FER: variants seen among roughly 807,000 people sequenced by gnomAD.
The protein encoded by FER is FER tyrosine kinase.
A neutral mutation model predicts 111.0 loss-of-function variants in FER; 63 were observed. The observed-to-expected ratio is 0.57, with a 90% CI of 0.46 to 0.70. FER has a LOEUF of 0.70. FER is among the 30% of genes least tolerant of loss of function. FER has a pLI of 0.00. For missense variants in FER, 914 were observed against 954.0 expected (o/e 0.96, Z 0.55); for synonymous variants, 327 against 313.9 (o/e 1.04, Z -0.44).
chr5:109,071,884 A>G (rs1174902752), intron 16 of FER, among the ~76,000 whole-genome samples: 1 of 151,940 alleles, frequency 6.6e-6, no homozygotes, highest in Non-Finnish European at 1.5e-5. Context: ...TTACATGGCA[A>G]TGTTTATATA....
At chr5:109,054,902 T>C (rs77069917) in intron 16 of FER, among the ~76,000 whole-genome samples, 2,375 of 152,334 alleles carry the variant, frequency 0.016, 51 homozygotes, top group African/African-American at 0.053. Flanking sequence ...TTCATACTTA[T>C]ATGTGTCTCT....
Position 109,171,122 on chromosome 5 carries a change from C to A in FER, c.2049-9625C>A, listed in dbSNP as rs181064471. Among the ~76,000 whole-genome samples the A allele has an allele frequency of 1.8e-4, 28 of 152,280 alleles. No homozygotes were observed. In the East Asian group the frequency reaches 5.4e-3, roughly 29 times the overall value. ...GTGTAAATTCACTTCAAAACATTGTCAAATTCTTAGTAGCTTTTCATCATG... is the reference window on the plus strand; with the variant it reads ...GTGTAAATTCACTTCAAAACATTGTAAAATTCTTAGTAGCTTTTCATCATG... On this transcript the variant is annotated intron_variant, in intron 17 of 19. Coordinates refer to ENST00000281092, the MANE Select transcript of FER (RefSeq NM_005246.4).
At chr5:108,807,381 T>C (rs1480968410) in intron 3 of FER, among the ~76,000 whole-genome samples, 1 of 152,240 alleles carries the variant, frequency 6.6e-6, no homozygotes, top group African/African-American at 2.4e-5. Context: ...AATTTGTCCA[T>C]TCCTGTAGAT....
chr5:108,935,638 T>C (rs1314159626), intron 10 of FER, among the ~76,000 whole-genome samples: 1 of 152,120 alleles, frequency 6.6e-6, no homozygotes, highest in Non-Finnish European at 1.5e-5. Flanking sequence ...AAAACTTTGG[T>C]TGTGGGTGAA....
chr5:108,901,753 A>T (rs1006281788), intron 10 of FER, among the ~76,000 whole-genome samples: 2 of 152,132 alleles, frequency 1.3e-5, no homozygotes, highest in African/African-American at 4.8e-5. Context: ...GGAGTTTGAG[A>T]CCAGCCTGGG....
chr5:109,139,062 A>G (rs182181979), intron 17 of FER, among the ~76,000 whole-genome samples: 78 of 152,292 alleles, frequency 5.1e-4, no homozygotes, highest in African/African-American at 1.7e-3. Context: ...AATTTGAGGT[A>G]CCTGTAGGAC....
At chr5:108,920,793 A>T (rs1272957544) in intron 10 of FER, among the ~76,000 whole-genome samples, 3 of 152,066 alleles carry the variant, frequency 2.0e-5, no homozygotes, top group Non-Finnish European at 4.4e-5. Context: ...TATAAATGAG[A>T]TTTTATATTT....
chr5:109,097,239 C>A (rs1336033959), intron 16 of FER, among the ~76,000 whole-genome samples: 1 of 151,876 alleles, frequency 6.6e-6, no homozygotes, highest in Non-Finnish European at 1.5e-5. Context: ...GTCATGCTAT[C>A]TCCCTAGTAA....
At chr5:109,148,615 A>C (rs1754488734) in intron 17 of FER, among the ~76,000 whole-genome samples, 1 of 152,220 alleles carries the variant, frequency 6.6e-6, no homozygotes, top group Non-Finnish European at 1.5e-5. Flanking sequence ...AGAGTATAAG[A>C]AAGTATGTGC....
chr5:109,130,489 A>T (rs1752240495), intron 17 of FER, among the ~76,000 whole-genome samples: 1 of 128,054 alleles, frequency 7.8e-6, no homozygotes, highest in African/African-American at 3.6e-5. Context: ...TAGTAGCCAC[A>T]TTAAAAATAT....
chr5:109,074,976 G>T (rs1776152807), intron 16 of FER, among the ~76,000 whole-genome samples: 2 of 152,186 alleles, frequency 1.3e-5, no homozygotes, highest in Admixed American at 6.5e-5. Flanking sequence ...CTGTGTATCA[G>T]TATGGAATAT....
At chr5:108,835,949 T>A in intron 5 of FER, 142 bp downstream of exon 5, 1 of 472,006 alleles carries the variant, frequency 2.1e-6, no homozygotes, top group Non-Finnish European at 3.8e-6. Flanking sequence ...TGGCTAATTG[T>A]CAAACAGTGT....
intron 17 of FER, among the ~76,000 whole-genome samples, chr5:109,165,593 G>GGTGTGTGTGTGT (rs66749153): frequency 1.2e-3 from 164 of 142,344 alleles, no homozygotes; most frequent in Admixed American, 2.6e-3. Flanking sequence ...GGAGGGAACT[G>GGTGTGTGTGTGT]GTGTGTGTGT....
chr5:108,832,203 CACAGGCAACAAAAGA>C (rs6149169), intron 3 of FER, among the ~76,000 whole-genome samples: 34,325 of 151,716 alleles, frequency 0.23, 4,003 homozygotes, highest in African/African-American at 0.28. Context: ...CCAGTATTCT[CACAGGCAACAAAAGA>C]ACAGGTACCA....
intron 13 of FER, among the ~76,000 whole-genome samples, chr5:109,025,545 A>G (rs1158552094): frequency 2.0e-5 from 3 of 151,814 alleles, no homozygotes; most frequent in Non-Finnish European, 4.4e-5. Flanking sequence ...TTTTCTAGAT[A>G]TACAATCATG....
In FER at chr5:108,984,353, T is replaced by C. The variant is rs1169544550; in HGVS notation, c.1656+25006T>C. Among the ~76,000 whole-genome samples, 5 of 152,002 alleles carry C rather than the reference T, an allele frequency of 3.3e-5. No homozygotes were observed. In the East Asian group the frequency reaches 9.7e-4, roughly 29 times the overall value. On this transcript the variant is annotated intron_variant, in intron 13 of 19. Transcript: ENST00000281092. ...CAAGTTAATAATAGCTCAGAAGATA[T>C]AAATATAAAAATTGTATAAAATGTC... is the stretch of plus-strand genomic sequence containing the variant.
At chr5:109,000,553 A>G (rs1448885686) in intron 13 of FER, among the ~76,000 whole-genome samples, 1 of 152,160 alleles carries the variant, frequency 6.6e-6, no homozygotes, top group African/African-American at 2.4e-5. Context: ...AGAAAGCAGG[A>G]AAGATCTAAA....
rs186600690 is a variant in FER, at chr5:108,874,706, G to C, written c.923+2494G>C. Reference sequence around the variant, plus strand: ...ATTGTTAATTTAGTCGTAGATTCGTGTTGTAATATTATTCTAATAGAAGTG... The same window carrying C: ...ATTGTTAATTTAGTCGTAGATTCGTCTTGTAATATTATTCTAATAGAAGTG... On this transcript the variant is annotated intron_variant, in intron 8 of 19. Transcript: ENST00000281092. Among the ~76,000 whole-genome samples, 931 of 151,378 alleles carry C rather than the reference G, an allele frequency of 6.2e-3. 16 individuals are homozygous for C. The highest frequency in any genetic ancestry group is 0.022 in the African/African-American group (897 of 41,288).
intron 16 of FER, among the ~76,000 whole-genome samples, chr5:109,048,675 AAGGT>A (rs1385084267): frequency 2.0e-5 from 3 of 152,214 alleles, no homozygotes; most frequent in Non-Finnish European, 4.4e-5. Context: ...AATATAATAA[AAGGT>A]AGAAAATTGA....
Sources: gnomAD v4.1 joint callset for allele counts (sites outside exome capture counted in the v4.1 genomes callset) on GRCh38, gnomAD v4.1.1 for gene constraint, MANE v1.5 for transcripts, NCBI Gene and HGNC (gene_info 2026-07-23, HGNC 2026-07-21) for gene names.